Variants in NWD2 observed in about 807,000 individuals in gnomAD.
The protein encoded by NWD2 is NACHT and WD repeat domain-containing protein 2.
In NWD2, 37 loss-of-function variants were observed where a neutral mutation model predicts 132.7. That is an observed-to-expected ratio of 0.28 (90% CI 0.21 to 0.37). The LOEUF (loss-of-function observed/expected upper bound fraction) is 0.37, where lower values mean the gene tolerates loss of function less well. Among genes scored for constraint, NWD2 ranks in the 10% least tolerant of loss-of-function variants. The pLI is 1.00. For missense variants in NWD2, 1,592 were observed against 2,122.4 expected (o/e 0.75, Z 4.91); for synonymous variants, 705 against 803.0 (o/e 0.88, Z 2.06).
At chr4:37,346,862 T>C (rs1241315232) in intron 2 of NWD2, among the ~76,000 whole-genome samples, 1 of 152,122 alleles carries the variant, frequency 6.6e-6, no homozygotes, top group African/African-American at 2.4e-5. Context: ...TTTCATCAGA[T>C]TTTTTCATTG....
intron 3 of NWD2, among the ~76,000 whole-genome samples, chr4:37,409,630 C>T (rs1198739300): frequency 1.3e-5 from 2 of 152,064 alleles, no homozygotes; most frequent in African/African-American, 2.4e-5. Context: ...GGCAAGCCAA[C>T]GTTCAAATTC....
intron 1 of NWD2, among the ~76,000 whole-genome samples, chr4:37,301,938 G>A (rs1203473387): frequency 6.6e-6 from 1 of 152,012 alleles, no homozygotes; most frequent in African/African-American, 2.4e-5. Flanking sequence ...CTGAATCAAG[G>A]TAATTAGCAT....
intron 3 of NWD2, among the ~76,000 whole-genome samples, chr4:37,399,043 T>C (rs541218762): frequency 1.3e-5 from 2 of 152,342 alleles, no homozygotes; most frequent in South Asian, 4.1e-4. Context: ...TCAAGAAAGG[T>C]ACACATTTTA....
intron 2 of NWD2, among the ~76,000 whole-genome samples, chr4:37,333,618 A>G (rs945175541): frequency 2.0e-5 from 3 of 152,160 alleles, no homozygotes; most frequent in Non-Finnish European, 2.9e-5. Context: ...GACAGGTACT[A>G]ACAAGCTCAG....
At chr4:37,358,852 G>C (rs868804597) in intron 3 of NWD2, among the ~76,000 whole-genome samples, 3 of 151,956 alleles carry the variant, frequency 2.0e-5, no homozygotes, top group South Asian at 4.2e-4. Flanking sequence ...CCCCAAAAAA[G>C]TTTTTATCAA....
intron 3 of NWD2, among the ~76,000 whole-genome samples, chr4:37,358,541 T>C (rs963570856): frequency 6.6e-6 from 1 of 152,124 alleles, no homozygotes; most frequent in Non-Finnish European, 1.5e-5. Flanking sequence ...GATATATAGC[T>C]TCCTCTCAGG....
chr4:37,260,823 G>A (rs1717621413), intron 1 of NWD2, among the ~76,000 whole-genome samples: 1 of 152,090 alleles, frequency 6.6e-6, no homozygotes, highest in African/African-American at 2.4e-5. Flanking sequence ...TGAACCCTTG[G>A]ATAGAAGGGA....
chr4:37,326,653 A>G (rs965731974), intron 2 of NWD2, among the ~76,000 whole-genome samples: 1 of 152,158 alleles, frequency 6.6e-6, no homozygotes, highest in African/African-American at 2.4e-5. Flanking sequence ...TATCTTGGGC[A>G]TCCAAATGTT....
intron 3 of NWD2, among the ~76,000 whole-genome samples, chr4:37,372,125 A>G (rs1299930719): frequency 6.6e-6 from 1 of 152,164 alleles, no homozygotes; most frequent in Non-Finnish European, 1.5e-5. Context: ...GTACCTTTTT[A>G]TTTGTATTTC....
rs111818746 is a variant in NWD2 at position 37,346,297 on chromosome 4, A to T, written c.241-10069A>T. ...GGATGTGACATTGAATTGTTTTAGT[A>T]CCCTTATTGAAAATCAGTTGACCTT... On this transcript the variant is annotated intron_variant, in intron 2 of 6. Coordinates refer to ENST00000309447, the MANE Select transcript of NWD2 (RefSeq NM_001144990.2). Among the ~76,000 whole-genome samples, 212 of 152,162 alleles carry T rather than the reference A, an allele frequency of 1.4e-3. 2 individuals carry two copies. Among genetic ancestry groups the T allele is most frequent in the African/African-American group, 5.0e-3 (207 of 41,516 alleles).
intron 1 of NWD2, among the ~76,000 whole-genome samples, chr4:37,308,808 G>T (rs185096171): frequency 6.6e-6 from 1 of 152,060 alleles, no homozygotes; most frequent in Admixed American, 6.5e-5. Context: ...GCAATGGAAG[G>T]CCCCAGCAAG....
intron 1 of NWD2, among the ~76,000 whole-genome samples, chr4:37,274,253 C>T (rs1385083784): frequency 1.3e-5 from 2 of 152,022 alleles, no homozygotes; most frequent in African/African-American, 4.8e-5. Flanking sequence ...GGAGATATCA[C>T]CACCGATCCC....
chr4:37,314,612 A>G (rs941082686), intron 1 of NWD2, among the ~76,000 whole-genome samples: 1 of 152,196 alleles, frequency 6.6e-6, no homozygotes, highest in Non-Finnish European at 1.5e-5. Context: ...TAGCATCAGT[A>G]GTGATGGCTC....
intron 1 of NWD2, 72 bp from the exon 2 acceptor site, chr4:37,325,864 G>C: frequency 1.2e-6 from 1 of 842,032 alleles, no homozygotes; most frequent in Non-Finnish European, 1.9e-6. Flanking sequence ...TTTATTTTTA[G>C]GTTTTCATTT....
At chr4:37,272,093 G>A (rs772043984) in intron 1 of NWD2, among the ~76,000 whole-genome samples, 6 of 151,754 alleles carry the variant, frequency 4.0e-5, no homozygotes, top group Non-Finnish European at 7.4e-5. Context: ...TGTCACTGCA[G>A]TGAAGTACAT....
At chr4:37,414,676 T>C (rs1272595183) in intron 3 of NWD2, among the ~76,000 whole-genome samples, 1 of 152,142 alleles carries the variant, frequency 6.6e-6, no homozygotes, top group Non-Finnish European at 1.5e-5. Context: ...GTGGGTACAG[T>C]GACAGCAGGA....
At chr4:37,322,400 AGAT>A (rs771687762) in intron 1 of NWD2, among the ~76,000 whole-genome samples, 9 of 152,180 alleles carry the variant, frequency 5.9e-5, no homozygotes, top group Non-Finnish European at 1.2e-4. Context: ...AAGTGCCATG[AGAT>A]GATCACAGGA....
At chr4:37,431,659 A>G (rs967346558) in intron 4 of NWD2, among the ~76,000 whole-genome samples, 1 of 152,236 alleles carries the variant, frequency 6.6e-6, no homozygotes, top group Non-Finnish European at 1.5e-5. Context: ...TATGTGAGGT[A>G]GTGGATTTGT....
intron 1 of NWD2, among the ~76,000 whole-genome samples, chr4:37,309,281 A>G (rs1447959158): frequency 2.0e-5 from 3 of 152,160 alleles, no homozygotes; most frequent in African/African-American, 7.2e-5. Context: ...TCTGCTGGTC[A>G]TTAGGCCGTC....
Sources: allele counts gnomAD v4.1 joint callset (sites outside exome capture counted in the v4.1 genomes callset), GRCh38; gene constraint gnomAD v4.1.1; transcripts MANE v1.5; gene names NCBI Gene and HGNC (gene_info 2026-07-23, HGNC 2026-07-21).